Variants in RAB23 observed in about 807,000 individuals in gnomAD.
RAB23 encodes RAB23, member RAS oncogene family.
Under a neutral mutation model 30.0 loss-of-function variants are expected in RAB23, and 15 were observed. The observed-to-expected ratio is 0.50, with a 90% CI of 0.33 to 0.77. The LOEUF (loss-of-function observed/expected upper bound fraction) is 0.77, where lower values mean the gene tolerates loss of function less well. Among genes scored for constraint, RAB23 ranks in the 30% least tolerant of loss-of-function variants. The pLI is 0.02. For missense variants in RAB23, 243 were observed against 275.4 expected, an observed-to-expected ratio of 0.88 and a Z score of 0.83; for synonymous variants, 93 against 94.0, an observed-to-expected ratio of 0.99 and a Z score of 0.06.
Position 57,196,507 on chromosome 6 carries a change from A to T in RAB23, c.341T>A (p.Ile114Lys). Residue 114 changes from isoleucine (I) to lysine (K), a missense_variant, in exon 4 of 7, where the codon ATA becomes AAA. Ile to Lys is a moderately radical substitution (Grantham distance 102). Transcript: ENST00000468148. ...CTTGTTTTGCACAAGTACAGTTGGT[A>T]TATCTCCCACTTCGGCTACTACTTT... Reference protein sequence around the residue: ...REKVVAEVGDIPTVLVQNKID... With the variant: ...REKVVAEVGDKPTVLVQNKID... 4 of 1,614,038 alleles carry T rather than the reference A, an allele frequency of 2.5e-6. No homozygotes were observed. The highest frequency in any genetic ancestry group is 3.4e-6 in the Non-Finnish European group (4 of 1,179,962).
At chr6:57,207,801 AAGAT>A in intron 2 of RAB23, 88 bp from the exon 3 acceptor site, 1 of 898,036 alleles carries the variant, frequency 1.1e-6, no homozygotes, top group South Asian at 1.5e-5. Context: ...TTCAAATCCA[AAGAT>A]ATTAAAACTA....
intron 3 of RAB23, among the ~76,000 whole-genome samples, chr6:57,204,856 G>C (rs1383803624): frequency 6.6e-6 from 1 of 151,914 alleles, no homozygotes; most frequent in East Asian, 1.9e-4. Context: ...AACAGTCATG[G>C]GGGCAACTAT....
chr6:57,194,735 C>A lies in RAB23; in HGVS notation c.481+35G>T, dbSNP rs377098359. Reference sequence around the variant, plus strand: ...TTTTAAAAGCGCAAGAATAAAATTTCTTTTTGCAATCTATATCCTTTAAAG... The same window carrying A: ...TTTTAAAAGCGCAAGAATAAAATTTATTTTTGCAATCTATATCCTTTAAAG... On this transcript the variant is annotated intron_variant, in intron 5 of 6. Transcript: ENST00000468148. 8.9e-6 allele frequency: 13 copies of A among 1,453,358 alleles called. No homozygotes were observed. The Admixed American group carries it at 9.0e-5, about 10-fold the overall frequency. 90.0% of individuals were successfully genotyped at this position (1,453,358 alleles called of 1,614,324 possible). A position where few individuals can be genotyped will look rare whatever the true frequency, so the allele number is the denominator to read the frequency against.
rs1764640382 is a variant in RAB23 at position 57,187,343 on chromosome 6, T to C, written c.*3118A>G. 1 of 152,190 alleles carries C rather than the reference T, an allele frequency of 6.6e-6. No individual in the cohort carries two copies. Among genetic ancestry groups the C allele is most frequent in the Non-Finnish European group, 1.5e-5 (1 of 68,028 alleles). The allele number at this position is 152,190 out of a possible 1,614,324, so 9.4% of individuals were successfully genotyped here. A position where few individuals can be genotyped will look rare whatever the true frequency, so the allele number is the denominator to read the frequency against. On this transcript the variant is annotated 3_prime_UTR_variant, in exon 7 of 7. Coordinates refer to ENST00000468148, the MANE Select transcript of RAB23 (RefSeq NM_016277.5). ...GGATATTTCAGAGTCTACTGCGGGT[T>C]TTAAATATTTTGTTAGCAAATGAAT...
At chr6:57,212,078 T>C (rs1765678256) in intron 1 of RAB23, among the ~76,000 whole-genome samples, 1 of 152,198 alleles carries the variant, frequency 6.6e-6, no homozygotes, top group Admixed American at 6.5e-5. Context: ...ACAGGAAGCC[T>C]TGGAATCTGG....
intron 1 of RAB23, among the ~76,000 whole-genome samples, chr6:57,218,999 T>C (rs189542966): frequency 1.6e-4 from 25 of 152,292 alleles, no homozygotes; most frequent in African/African-American, 4.3e-4. Context: ...GTCATTGTAA[T>C]AGGAAACAAA....
intron 3 of RAB23, among the ~76,000 whole-genome samples, chr6:57,205,562 CT>C: frequency 6.6e-6 from 1 of 152,228 alleles, no homozygotes; most frequent in East Asian, 1.9e-4. Context: ...AATAAACATA[CT>C]GAATTAGCTA....
chr6:57,221,007 G>C (rs960006796), intron 1 of RAB23, among the ~76,000 whole-genome samples: 2 of 152,036 alleles, frequency 1.3e-5, no homozygotes, highest in Non-Finnish European at 2.9e-5. Flanking sequence ...GCATACTTCT[G>C]AGTACAATTA....
chr6:57,207,558 A>C, intron 3 of RAB23, 70 bp downstream of exon 3: 1 of 1,142,194 alleles, frequency 8.8e-7, no homozygotes, highest in Non-Finnish European at 1.3e-6. Context: ...GGAAACAAAG[A>C]AAGCAAAATT....
rs1425626899 is a variant in RAB23 at position 57,203,033 on chromosome 6, G to A, written c.241+4595C>T. Among the ~76,000 whole-genome samples, 6 of 115,834 alleles carry A rather than the reference G, an allele frequency of 5.2e-5. No individual in the cohort carries two copies. The East Asian group carries it at 1.5e-3, about 29-fold the overall frequency. The allele number at this position is 115,834 out of a possible 152,430, so 76.0% of individuals were successfully genotyped here. The stretch of plus-strand genomic sequence containing the variant: ...TTTTTTTTTTTTTTTTTGAGACAGA[G>A]TCTTGCTCTGTCACCCAGGCTGGAG... On this transcript the variant is annotated intron_variant, in intron 3 of 6. Coordinates refer to ENST00000468148, the MANE Select transcript of RAB23 (RefSeq NM_016277.5).
chr6:57,212,067 C>T (rs1465538379), intron 1 of RAB23, among the ~76,000 whole-genome samples: 1 of 152,184 alleles, frequency 6.6e-6, no homozygotes, highest in African/African-American at 2.4e-5. Context: ...TCAGAAATTT[C>T]ACAGGAAGCC....
chr6:57,216,634 T>A (rs192200271), intron 1 of RAB23, among the ~76,000 whole-genome samples: 2 of 151,976 alleles, frequency 1.3e-5, no homozygotes. Flanking sequence ...ATTAAGAAAG[T>A]AAAGGAATAA....
intron 3 of RAB23, among the ~76,000 whole-genome samples, chr6:57,205,981 G>A (rs148072896): frequency 2.6e-4 from 40 of 152,322 alleles, no homozygotes; most frequent in African/African-American, 8.4e-4. Flanking sequence ...AAATGACAGA[G>A]ACTTGAGTAA....
chr6:57,221,036 C>T (rs1311813390), intron 1 of RAB23, among the ~76,000 whole-genome samples: 1 of 152,086 alleles, frequency 6.6e-6, no homozygotes, highest in Non-Finnish European at 1.5e-5. Flanking sequence ...GACAATAATA[C>T]TTTATATAAA....
At chr6:57,198,693 A>AG (rs1765124032) in intron 3 of RAB23, among the ~76,000 whole-genome samples, 3 of 151,928 alleles carry the variant, frequency 2.0e-5, no homozygotes, top group Non-Finnish European at 4.4e-5. Context: ...AAAAAAAAAA[A>AG]AATTTGTTCT....
rs1298793135 is a variant in RAB23, at chr6:57,187,152, T to C, written c.*3309A>G. 7 of 152,326 alleles carry C rather than the reference T, an allele frequency of 4.6e-5. No homozygotes were observed. The highest frequency in any genetic ancestry group is 7.2e-5 in the African/African-American group (3 of 41,572). 9.4% of individuals were successfully genotyped at this position (152,326 alleles called of 1,614,324 possible). A position where few individuals can be genotyped will look rare whatever the true frequency, so the allele number is the denominator to read the frequency against. On this transcript the variant is annotated 3_prime_UTR_variant, in exon 7 of 7. Transcript: ENST00000468148. ...AATTTACAAAAGCATTATTTATTAG[T>C]AATAAAAATATAGAAGGAATTCAGT...
Position 57,188,577 on chromosome 6 carries a change from G to GGAGA in RAB23, c.*1880_*1883dup, listed in dbSNP as rs1292751746. Reference sequence around the variant, plus strand: ...TATTATTTTGTGCAAAAATTAAAGAGGAGAGTAGAGAGTAGAAAATTGAAG... The same window carrying GGAGA: ...TATTATTTTGTGCAAAAATTAAAGAGGAGAGAGAGTAGAGAGTAGAAAATTGAAG... On this transcript the variant is annotated 3_prime_UTR_variant, in exon 7 of 7. Transcript: ENST00000468148. 1 of 152,006 alleles carries GGAGA rather than the reference G, an allele frequency of 6.6e-6. No individual in the cohort carries two copies. Among genetic ancestry groups the GGAGA allele is most frequent in the Non-Finnish European group, 1.5e-5 (1 of 67,966 alleles). The allele number at this position is 152,006 out of a possible 1,614,324, so 9.4% of individuals were successfully genotyped here.
chr6:57,221,123 C>T (rs914039869), intron 1 of RAB23, among the ~76,000 whole-genome samples: 22 of 152,214 alleles, frequency 1.4e-4, no homozygotes, highest in Admixed American at 9.2e-4. Context: ...AGTTAACTCA[C>T]TAATCAAAAG....
Position 57,193,835 on chromosome 6 carries a change from T to A in RAB23, c.574+7A>T. ...TAAACATGGGCTAAAATTTCCTATGTACTTACCAATCTTGTTACTACTTGA... is the reference window on the plus strand; with the variant it reads ...TAAACATGGGCTAAAATTTCCTATGAACTTACCAATCTTGTTACTACTTGA... On this transcript the variant is annotated splice_region_variant and intron_variant, in intron 6 of 6. Coordinates refer to ENST00000468148, the MANE Select transcript of RAB23 (RefSeq NM_016277.5). The A allele has an allele frequency of 6.2e-7, 1 of 1,612,522 alleles. No homozygotes were observed. The highest frequency in any genetic ancestry group is 1.3e-5 in the African/African-American group (1 of 75,022).
Sources: gnomAD v4.1 joint callset for allele counts (sites outside exome capture counted in the v4.1 genomes callset) on GRCh38, gnomAD v4.1.1 for gene constraint, MANE v1.5 for transcripts, NCBI Gene and HGNC (gene_info 2026-07-23, HGNC 2026-07-21) for gene names.